ARMH3: variants seen among roughly 807,000 people sequenced by gnomAD.
ARMH3 encodes armadillo like helical domain containing 3.
Under a neutral mutation model 99.1 loss-of-function variants are expected in ARMH3, and 60 were observed. The ratio of observed to expected loss-of-function variants is 0.61; its 90% confidence interval spans 0.49 to 0.75. ARMH3 has a LOEUF of 0.75. ARMH3 is among the 30% of genes least tolerant of loss of function. The pLI is 0.00. For missense variants in ARMH3, 679 were observed against 843.1 expected (o/e 0.81, Z 2.41); for synonymous variants, 285 against 292.8 (o/e 0.97, Z 0.27).
chr10:101,933,425 T>G (rs1278888649), intron 23 of ARMH3, among the ~76,000 whole-genome samples: 2 of 152,268 alleles, frequency 1.3e-5, no homozygotes, highest in East Asian at 1.9e-4. Context: ...CTCACTGCAG[T>G]TCACCAAGTC....
intron 2 of ARMH3, among the ~76,000 whole-genome samples, chr10:102,039,283 T>C (rs907048980): frequency 6.6e-6 from 1 of 152,114 alleles, no homozygotes; most frequent in Non-Finnish European, 1.5e-5. Context: ...TAGCTGAGAT[T>C]ACAGGAGCGC....
intron 23 of ARMH3, among the ~76,000 whole-genome samples, chr10:101,913,508 G>A (rs1842955118): frequency 6.6e-6 from 1 of 151,612 alleles, no homozygotes; most frequent in South Asian, 2.1e-4. Context: ...TGGGACTACA[G>A]GTGCACGTCA....
intron 20 of ARMH3, among the ~76,000 whole-genome samples, chr10:101,959,916 G>A (rs1019493538): frequency 1.3e-5 from 2 of 152,166 alleles, no homozygotes; most frequent in African/African-American, 2.4e-5. Context: ...AGTGGCTCAC[G>A]CCTGTAATCC....
At chr10:101,913,724 C>T (rs1842964691) in intron 23 of ARMH3, among the ~76,000 whole-genome samples, 1 of 152,196 alleles carries the variant, frequency 6.6e-6, no homozygotes, top group Non-Finnish European at 1.5e-5. Context: ...ATGTCCTCAG[C>T]AGACCTGTTT....
intron 20 of ARMH3, among the ~76,000 whole-genome samples, chr10:101,967,444 T>C (rs1845586269): frequency 6.6e-6 from 1 of 152,146 alleles, no homozygotes; most frequent in Non-Finnish European, 1.5e-5. Context: ...AGTAGAATAA[T>C]TTAAAAATAC....
chr10:101,847,417 T>C lies in ARMH3; in HGVS notation c.*111A>G. On this transcript the variant is annotated 3_prime_UTR_variant, in exon 26 of 26. Coordinates refer to ENST00000370033, the MANE Select transcript of ARMH3 (RefSeq NM_024541.3). Reference sequence around the variant, plus strand: ...TGCGGTCTTCACCAAGAGAACTTGGTATCTGTGTTTCTCTCCAACCTCGGG... The same window carrying C: ...TGCGGTCTTCACCAAGAGAACTTGGCATCTGTGTTTCTCTCCAACCTCGGG... The C allele has an allele frequency of 9.4e-7, 1 of 1,064,940 alleles. No homozygotes were observed. Among genetic ancestry groups the C allele is most frequent in the Admixed American group, 1.8e-5 (1 of 54,122 alleles). 66.0% of individuals were successfully genotyped at this position (1,064,940 alleles called of 1,614,324 possible). A position where few individuals can be genotyped will look rare whatever the true frequency, so the allele number is the denominator to read the frequency against.
At chr10:101,957,078 T>C (rs1437469437) in intron 21 of ARMH3, among the ~76,000 whole-genome samples, 1 of 152,252 alleles carries the variant, frequency 6.6e-6, no homozygotes, top group Non-Finnish European at 1.5e-5. Flanking sequence ...TGCATGACTC[T>C]GATGTCACAT....
chr10:101,991,993 G>T lies in ARMH3; in HGVS notation c.1321C>A (p.Arg441Ser), dbSNP rs540851485. 1.2e-6 allele frequency: 2 copies of T among 1,613,946 alleles called. No homozygotes were observed. The highest frequency in any genetic ancestry group is 2.2e-5 in the East Asian group (1 of 44,898). The change falls in exon 18 of 26, where the codon CGT becomes AGT. Residue 441 changes from arginine (R) to serine (S), a missense_variant. Physicochemically the swap from Arg to Ser is moderately radical, Grantham distance 110. Coordinates refer to ENST00000370033, the MANE Select transcript of ARMH3 (RefSeq NM_024541.3). ...KKAADKNLPC[R>S]PLVCAVLDLM... ...CCCAGTACTGCACATACTAAAGGAC[G>T]GCAGGGAAGATTCTTGTCTGCTGCC...
intron 23 of ARMH3, 106 bp downstream of exon 23, chr10:101,939,757 T>A: frequency 1.1e-6 from 1 of 935,866 alleles, no homozygotes; most frequent in Non-Finnish European, 1.6e-6. Flanking sequence ...CCTACAGACA[T>A]CAAGGCTTAA....
At chr10:101,864,866 A>AT (rs1405755813) in intron 24 of ARMH3, among the ~76,000 whole-genome samples, 5 of 135,796 alleles carry the variant, frequency 3.7e-5, no homozygotes, top group African/African-American at 1.1e-4. Context: ...CATTGTGCAC[A>AT]TGTACCCTAG....
intron 22 of ARMH3, among the ~76,000 whole-genome samples, chr10:101,940,339 T>A (rs1045146612): frequency 6.6e-6 from 1 of 152,176 alleles, no homozygotes; most frequent in Non-Finnish European, 1.5e-5. Flanking sequence ...ACTGGCTGGC[T>A]TAGTTGATGT....
chr10:101,947,181 T>A (rs1202762888), intron 22 of ARMH3, among the ~76,000 whole-genome samples: 1 of 150,494 alleles, frequency 6.6e-6, no homozygotes, highest in Non-Finnish European at 1.5e-5. Flanking sequence ...AGCGAGACTC[T>A]GTCTCAAAAA....
At chr10:102,021,681 G>A (rs1044867192) in intron 8 of ARMH3, among the ~76,000 whole-genome samples, 1 of 151,914 alleles carries the variant, frequency 6.6e-6, no homozygotes, top group African/African-American at 2.4e-5. Context: ...CCGAGTAGCT[G>A]GGACTACAGG....
chr10:101,979,224 A>G (rs1219747908), intron 19 of ARMH3, among the ~76,000 whole-genome samples: 1 of 152,208 alleles, frequency 6.6e-6, no homozygotes, highest in Non-Finnish European at 1.5e-5. Flanking sequence ...CAAAAAGTCT[A>G]AACAACCCAA....
intron 1 of ARMH3, among the ~76,000 whole-genome samples, chr10:102,051,091 T>C (rs572379602): frequency 6.8e-6 from 1 of 147,368 alleles, no homozygotes; most frequent in East Asian, 2.0e-4. Context: ...GAGAGGGAGG[T>C]TGCAGTGAGC....
At chr10:101,892,328 A>C (rs2067713518) in intron 23 of ARMH3, among the ~76,000 whole-genome samples, 1 of 151,992 alleles carries the variant, frequency 6.6e-6, no homozygotes, top group Admixed American at 6.6e-5. Flanking sequence ...GTGTGGTGGC[A>C]TTTGCCTGTA....
chr10:101,878,150 C>T (rs925281623), intron 24 of ARMH3, among the ~76,000 whole-genome samples: 1 of 151,908 alleles, frequency 6.6e-6, no homozygotes, highest in Admixed American at 6.6e-5. Flanking sequence ...CCCAACTACT[C>T]GGGAGGTTAC....
Position 101,847,193 on chromosome 10 carries a change from C to A in ARMH3, c.*335G>T. The A allele has an allele frequency of 3.9e-6, 1 of 259,324 alleles. No individual in the cohort carries two copies. 16.1% of individuals were successfully genotyped at this position (259,324 alleles called of 1,614,324 possible). ...GGTGCTGGCATTACCCTGAGGCTTG[C>A]CTCACCAGCTCCCGAAAATTAGTCA... On this transcript the variant is annotated 3_prime_UTR_variant, in exon 26 of 26. Transcript: ENST00000370033.
At chr10:101,980,001 A>G (rs928278863) in intron 19 of ARMH3, among the ~76,000 whole-genome samples, 1 of 152,174 alleles carries the variant, frequency 6.6e-6, no homozygotes, top group African/African-American at 2.4e-5. Context: ...CGCTGCCTTA[A>G]AAGTACTTAA....
Sources: allele counts gnomAD v4.1 joint callset (sites outside exome capture counted in the v4.1 genomes callset), GRCh38; gene constraint gnomAD v4.1.1; transcripts MANE v1.5; gene names NCBI Gene and HGNC (gene_info 2026-07-23, HGNC 2026-07-21).